REEP1: variants seen among roughly 807,000 people sequenced by gnomAD.
REEP1 encodes the protein receptor accessory protein 1.
In REEP1, 22 loss-of-function variants were observed where a neutral mutation model predicts 40.3. The observed-to-expected ratio is 0.55, with a 90% confidence interval of 0.39 to 0.78. REEP1 has a LOEUF of 0.78. REEP1 is among the 30% of genes least tolerant of loss of function. The pLI is 0.00. For missense variants in REEP1, 280 were observed against 361.1 expected (o/e 0.78, Z 1.82); for synonymous variants, 116 against 139.2 (o/e 0.83, Z 1.17).
chr2:86,224,037 C>T (rs1017587487), intron 7 of REEP1, among the ~76,000 whole-genome samples: 4 of 152,168 alleles, frequency 2.6e-5, no homozygotes, highest in African/African-American at 9.7e-5. Flanking sequence ...GTTCTGGCAT[C>T]TGAGATGTGC....
At chr2:86,308,053 T>C (rs1679585313) in intron 1 of REEP1, among the ~76,000 whole-genome samples, 1 of 152,206 alleles carries the variant, frequency 6.6e-6, no homozygotes, top group Non-Finnish European at 1.5e-5. Context: ...TTCCCTATCA[T>C]ACAGCTCAGA....
At chr2:86,298,527 G>C (rs893289902) in intron 1 of REEP1, among the ~76,000 whole-genome samples, 22 of 152,238 alleles carry the variant, frequency 1.4e-4, no homozygotes, top group African/African-American at 5.3e-4. Flanking sequence ...GTTCTGGGGT[G>C]CCCTCCCCTC....
intron 1 of REEP1, among the ~76,000 whole-genome samples, chr2:86,297,011 T>A (rs1167507918): frequency 1.3e-5 from 2 of 152,128 alleles, no homozygotes; most frequent in Non-Finnish European, 2.9e-5. Context: ...TCCCTCAGCA[T>A]CTCCCACCAG....
intron 1 of REEP1, among the ~76,000 whole-genome samples, chr2:86,315,407 T>C (rs753385423): frequency 1.3e-5 from 2 of 152,342 alleles, no homozygotes; most frequent in Non-Finnish European, 2.9e-5. Context: ...TACAATTTTA[T>C]CATCTGGGGA....
intron 3 of REEP1, among the ~76,000 whole-genome samples, chr2:86,262,048 G>A (rs1250499536): frequency 2.0e-5 from 3 of 152,086 alleles, no homozygotes; most frequent in East Asian, 1.9e-4. Context: ...ATTGTCTTGC[G>A]ACCCTGACAC....
chr2:86,233,103 G>C (rs1220832703), intron 5 of REEP1, among the ~76,000 whole-genome samples: 2 of 152,144 alleles, frequency 1.3e-5, no homozygotes, highest in African/African-American at 4.8e-5. Flanking sequence ...ACAGACCCAG[G>C]GCCAAGGGCG....
At chr2:86,304,631 C>G (rs1679402967) in intron 1 of REEP1, among the ~76,000 whole-genome samples, 2 of 152,228 alleles carry the variant, frequency 1.3e-5, no homozygotes, top group Admixed American at 1.3e-4. Context: ...CCTGCTCCAG[C>G]TTACATCAAG....
intron 1 of REEP1, among the ~76,000 whole-genome samples, chr2:86,295,775 G>A (rs763945358): frequency 1.3e-5 from 2 of 152,158 alleles, no homozygotes; most frequent in African/African-American, 4.8e-5. Context: ...TCCTGACCTC[G>A]TGATCCGCCC....
At chr2:86,251,339 C>G (rs1326165987) in intron 5 of REEP1, 1 of 157,788 alleles carries the variant, frequency 6.3e-6, no homozygotes. Context: ...AAGTAATGCT[C>G]ACACCACAAC....
chr2:86,298,999 C>T (rs1457069555), intron 1 of REEP1, among the ~76,000 whole-genome samples: 1 of 152,142 alleles, frequency 6.6e-6, no homozygotes, highest in African/African-American at 2.4e-5. Flanking sequence ...TGAAGCAAAG[C>T]TGGGATGTTA....
At chr2:86,335,507 C>T (rs768980993) in intron 1 of REEP1, among the ~76,000 whole-genome samples, 13 of 152,106 alleles carry the variant, frequency 8.5e-5, no homozygotes, top group Non-Finnish European at 1.8e-4. Context: ...CCTGAGACAC[C>T]TCCCAAATAT....
chr2:86,293,390 G>A lies in REEP1; in HGVS notation c.33-11148C>T, dbSNP rs544120248. Among the ~76,000 whole-genome samples the A allele has an allele frequency of 3.9e-5, 6 of 152,290 alleles. No homozygotes were observed. In the East Asian group the frequency reaches 5.8e-4, roughly 15 times the overall value. On this transcript the variant is annotated intron_variant, in intron 1 of 8. Transcript: ENST00000538924. ...GACAAATGATGATGGGCAAAACTAC[G>A]GAGATAGAAAACAGATGAGCTGCCA...
chr2:86,255,736 C>G (rs1676521302), intron 3 of REEP1, among the ~76,000 whole-genome samples: 1 of 152,136 alleles, frequency 6.6e-6, no homozygotes, highest in Admixed American at 6.5e-5. Flanking sequence ...TAATATAGAA[C>G]AGAAACCTGA....
At chr2:86,246,890 A>G (rs2104182858) in intron 5 of REEP1, among the ~76,000 whole-genome samples, 1 of 152,052 alleles carries the variant, frequency 6.6e-6, no homozygotes, top group South Asian at 2.1e-4. Context: ...CAGTGGAGAC[A>G]GGGTTTCTCC....
Position 86,266,463 on chromosome 2 carries a change from C to CA in REEP1, c.106-2423dup, listed in dbSNP as rs549945936. Reference sequence around the variant, plus strand: ...TGAAACCCCGTCTCTACTAAAAATACAAAAAATTAGCCGGGCGCGGTGGCC... The same window carrying CA: ...TGAAACCCCGTCTCTACTAAAAATACAAAAAAATTAGCCGGGCGCGGTGGCC... On this transcript the variant is annotated intron_variant, in intron 2 of 8. Coordinates refer to ENST00000538924, the MANE Select transcript of REEP1 (RefSeq NM_001371279.1). 4.7e-5 allele frequency among the ~76,000 whole-genome samples: 7 copies of CA among 148,848 alleles called. No homozygotes were observed. The South Asian group carries it at 1.3e-3, about 27-fold the overall frequency.
rs2103932545 is a variant in REEP1 at position 86,215,209 on chromosome 2, G to GCAAA, written c.*1826_*1829dup. 1 of 152,144 alleles carries GCAAA rather than the reference G, an allele frequency of 6.6e-6. No individual in the cohort carries two copies. The highest frequency in any genetic ancestry group is 1.9e-4 in the East Asian group (1 of 5,184). 9.4% of individuals were successfully genotyped at this position (152,144 alleles called of 1,614,324 possible). A position where few individuals can be genotyped will look rare whatever the true frequency, so the allele number is the denominator to read the frequency against. ...GGTGGGTGTGGGGCACAGAACATGA[G>GCAAA]CAAACAGCTTCTGTTTATCCTCTCA... On this transcript the variant is annotated 3_prime_UTR_variant, in exon 9 of 9. Coordinates refer to ENST00000538924, the MANE Select transcript of REEP1 (RefSeq NM_001371279.1).
At chr2:86,245,959 T>G (rs1057072973) in intron 5 of REEP1, among the ~76,000 whole-genome samples, 47 of 151,988 alleles carry the variant, frequency 3.1e-4, no homozygotes, top group Non-Finnish European at 6.6e-4. Context: ...AGAGACGGGG[T>G]TTCACCATGT....
intron 2 of REEP1, chr2:86,280,054 A>G (rs1424393637): frequency 2.2e-6 from 1 of 456,364 alleles, no homozygotes; most frequent in South Asian, 1.5e-5. Context: ...GACAGGGATG[A>G]AGGGACATGG....
intron 1 of REEP1, among the ~76,000 whole-genome samples, chr2:86,303,678 C>T (rs1228977951): frequency 6.6e-6 from 1 of 152,136 alleles, no homozygotes; most frequent in East Asian, 1.9e-4. Flanking sequence ...GCTGGACTTC[C>T]AAATCAGCAA....
Sources: allele counts gnomAD v4.1 joint callset (sites outside exome capture counted in the v4.1 genomes callset), GRCh38; gene constraint gnomAD v4.1.1; transcripts MANE v1.5; gene names NCBI Gene and HGNC (gene_info 2026-07-23, HGNC 2026-07-21).